Variants in CAPG observed in about 807,000 individuals in gnomAD.
CAPG encodes the protein macrophage-capping protein.
A neutral mutation model predicts 44.6 loss-of-function variants in CAPG; 32 were observed. That is an observed-to-expected ratio of 0.72 (90% CI 0.54 to 0.96). The LOEUF is 0.96. CAPG is among the 50% of genes least tolerant of loss of function. The probability of loss-of-function intolerance (pLI) is 0.00; values close to 1 mark genes in which losing one functional copy is unlikely to be tolerated. For missense variants in CAPG, 412 were observed against 438.3 expected, an observed-to-expected ratio of 0.94 and a Z score of 0.54; for synonymous variants, 175 against 179.6, an observed-to-expected ratio of 0.97 and a Z score of 0.20.
chr2:85,398,051 G>GT lies in CAPG; in HGVS notation c.860dup (p.Asn287LysfsTer17). ...AGATATAGATCTTGCCACAGAGCCC[G>GT]TTGTCCAGCACAAAGCAGTCATCAG... On this transcript the variant is annotated frameshift_variant, in exon 8 of 10. Coordinates refer to ENST00000263867, the MANE Select transcript of CAPG (RefSeq NM_001747.4). LOFTEE classifies it high-confidence loss of function. 1 of 1,614,058 alleles carries GT rather than the reference G, an allele frequency of 6.2e-7. No individual in the cohort carries two copies. Among genetic ancestry groups the GT allele is most frequent in the Non-Finnish European group, 8.5e-7 (1 of 1,179,964 alleles).
At chr2:85,399,356 G>C (rs34063934) in intron 5 of CAPG, 71 bp from the exon 6 acceptor site, 358,182 of 1,499,100 alleles carry the variant, frequency 0.24, 44,150 homozygotes, top group African/African-American at 0.29. Flanking sequence ...AGAGAAGGGC[G>C]CACAGCTCTC....
intron 1 of CAPG, among the ~76,000 whole-genome samples, chr2:85,403,159 G>C (rs1343630222): frequency 6.6e-6 from 1 of 152,126 alleles, no homozygotes; most frequent in East Asian, 1.9e-4. Context: ...ACAGAAATGA[G>C]AGATGTGAGA....
intron 5 of CAPG, among the ~76,000 whole-genome samples, chr2:85,399,876 G>A (rs1686800464): frequency 6.6e-6 from 1 of 151,832 alleles, no homozygotes; most frequent in Non-Finnish European, 1.5e-5. Context: ...CGAGTAGCTG[G>A]GATTACAGGC....
chr2:85,395,551 G>T lies in CAPG; in HGVS notation c.968C>A (p.Ala323Asp). 1 of 1,613,542 alleles carries T rather than the reference G, an allele frequency of 6.2e-7. No homozygotes were observed. Reference sequence around the variant, plus strand: ...GCATCTCCTCACCTGAGTGTTCGGGGCGTACTGCATGCGCGAGATGAAGCC... The same window carrying T: ...GCATCTCCTCACCTGAGTGTTCGGGTCGTACTGCATGCGCGAGATGAAGCC... ...AEGFISRMQY[A>D]PNTQVEILPQ... is the part of the protein sequence containing the mutation. Residue 323 changes from alanine to aspartate, a missense_variant, in exon 9 of 10, where the codon GCC becomes GAC. Physicochemically the swap from Ala to Asp is moderately radical, Grantham distance 126 (BLOSUM62 -2). Transcript: ENST00000263867. The surrounding 1 kb of genome is among the most constrained non-coding windows in gnomAD (Gnocchi z 4.3).
chr2:85,395,585 C>T lies in CAPG; in HGVS notation c.934G>A (p.Val312Met). 1 of 1,614,026 alleles carries T rather than the reference C, an allele frequency of 6.2e-7. No individual in the cohort carries two copies. Among genetic ancestry groups the T allele is most frequent in the Non-Finnish European group, 8.5e-7 (1 of 1,179,958 alleles). The change falls in exon 9 of 10, where the codon GTG becomes ATG. Residue 312 changes from valine (V) to methionine (M), a missense_variant. Physicochemically the swap from Val to Met is conservative, Grantham distance 21. Coordinates refer to ENST00000263867, the MANE Select transcript of CAPG (RefSeq NM_001747.4). The surrounding 1 kb of genome is among the most constrained non-coding windows in gnomAD (Gnocchi z 4.3). ...ATGCGCGAGATGAAGCCCTCGGCCACCTGCAGGGCTGCCTGCCGCTCCTTC... is the reference window on the plus strand; with the variant it reads ...ATGCGCGAGATGAAGCCCTCGGCCATCTGCAGGGCTGCCTGCCGCTCCTTC... Reference protein sequence around the residue: ...NEKERQAALQVAEGFISRMQY... With the variant: ...NEKERQAALQMAEGFISRMQY...
At chr2:85,409,676 T>C (rs1302201706) in intron 1 of CAPG, 3 of 152,012 alleles carry the variant, frequency 2.0e-5, no homozygotes, top group Admixed American at 6.6e-5. Context: ...GAGGCCTCAT[T>C]TGGGGATTCC....
chr2:85,417,768 G>A (rs2104870913), intron 1 of CAPG, among the ~76,000 whole-genome samples: 1 of 152,226 alleles, frequency 6.6e-6, no homozygotes, highest in South Asian at 2.1e-4. Context: ...ACAGGCGTGA[G>A]CCACTGCGCC....
In CAPG at chr2:85,398,715, T is replaced by C; in HGVS notation, c.734A>G (p.Asn245Ser). The change falls in exon 7 of 10, where the codon AAT becomes AGT. Residue 245 changes from asparagine to serine, a missense_variant. Coordinates refer to ENST00000263867, the MANE Select transcript of CAPG (RefSeq NM_001747.4). ...CTTATACAGAGCTGCGGCCTGGGCA[T>C]TTGCCTTGTCAGCTGTGAGGTCTTC... Reference protein sequence around the residue: ...PEEDLTADKANAQAAALYKVS... With the variant: ...PEEDLTADKASAQAAALYKVS... 6.2e-7 allele frequency: 1 copy of C among 1,606,170 alleles called. No homozygotes were observed. The highest frequency in any genetic ancestry group is 8.5e-7 in the Non-Finnish European group (1 of 1,176,510).
intron 1 of CAPG, chr2:85,409,645 C>T (rs1687327207): frequency 6.6e-6 from 1 of 152,022 alleles, no homozygotes; most frequent in African/African-American, 2.4e-5. Flanking sequence ...TGGGACATGG[C>T]ATTCTCAGAA....
At chr2:85,396,199 T>G (rs77438344) in intron 8 of CAPG, among the ~76,000 whole-genome samples, 1 of 152,128 alleles carries the variant, frequency 6.6e-6, no homozygotes, top group Non-Finnish European at 1.5e-5. Flanking sequence ...ATTTTTATTT[T>G]TTCTGAGACG....
chr2:85,399,664 AT>A (rs1267506272), intron 5 of CAPG, among the ~76,000 whole-genome samples: 1 of 151,094 alleles, frequency 6.6e-6, no homozygotes, highest in Non-Finnish European at 1.5e-5. Flanking sequence ...TAATTTCTTA[AT>A]TTTTTGTAGA....
At chr2:85,408,225 C>A (rs1015940789) in intron 1 of CAPG, among the ~76,000 whole-genome samples, 3 of 151,996 alleles carry the variant, frequency 2.0e-5, no homozygotes, top group Non-Finnish European at 2.9e-5. Flanking sequence ...GCCTGTAGTC[C>A]CAGCTACTTA....
chr2:85,404,494 T>A (rs929558287), intron 1 of CAPG, among the ~76,000 whole-genome samples: 2 of 152,184 alleles, frequency 1.3e-5, no homozygotes, highest in African/African-American at 4.8e-5. Context: ...CTCACACCTG[T>A]AATTCCAGCA....
chr2:85,412,267 C>A (rs943313696), upstream of CAPG, among the ~76,000 whole-genome samples: 3 of 152,006 alleles, frequency 2.0e-5, no homozygotes, highest in Non-Finnish European at 4.4e-5. Context: ...AATCCCAGCA[C>A]TTTGGGAGGC....
intron 4 of CAPG, 36 bp downstream of exon 4, chr2:85,401,493 G>A: frequency 6.2e-7 from 1 of 1,609,324 alleles, no homozygotes; most frequent in Non-Finnish European, 8.5e-7. Context: ...TCTGAGGGAA[G>A]CTGCAGGGTG....
chr2:85,402,129 G>A lies in CAPG; in HGVS notation c.17C>T (p.Pro6Leu). 2.5e-6 allele frequency: 4 copies of A among 1,607,950 alleles called. No homozygotes were observed. In the South Asian group the frequency reaches 4.4e-5, roughly 18 times the overall value. Residue 6 changes from proline (P) to leucine (L), a missense_variant, in exon 2 of 10, where the codon CCC (proline) becomes CTC (leucine). Transcript: ENST00000263867. MYTAI[P>L]QSGSPFPGSV... ...GATGGGGCATGCAGCTTACCTCTGG[G>A]GAATGGCTGTGTACATGCTGTCTTC...
At chr2:85,419,435 C>G (rs143736307), upstream of CAPG, among the ~76,000 whole-genome samples, 957 of 152,362 alleles carry the variant, frequency 6.3e-3, 9 homozygotes, top group African/African-American at 0.022. Flanking sequence ...GCCAGGAACT[C>G]AGGGTCCGGC....
At chr2:85,398,998 G>A in intron 6 of CAPG, 138 bp downstream of exon 6, 2 of 1,017,370 alleles carry the variant, frequency 2.0e-6, no homozygotes, top group East Asian at 5.0e-5. Context: ...CACCCTGTGA[G>A]CTGGCCACAG....
At chr2:85,393,748 T>A (rs1686470928), downstream of CAPG, among the ~76,000 whole-genome samples, 2 of 152,200 alleles carry the variant, frequency 1.3e-5, no homozygotes, top group East Asian at 3.9e-4. Flanking sequence ...GTATTTTTAG[T>A]AGAGAAAGGG....
Sources: allele counts gnomAD v4.1 joint callset (sites outside exome capture counted in the v4.1 genomes callset), GRCh38; gene constraint gnomAD v4.1.1; non-coding constraint Gnocchi (gnomAD v3.1); transcripts MANE v1.5; gene names NCBI Gene and HGNC (gene_info 2026-07-23, HGNC 2026-07-21).